ZMYM2: variants seen among roughly 807,000 people sequenced by gnomAD.
ZMYM2 encodes the protein zinc finger MYM-type protein 2.
In ZMYM2, 56 loss-of-function variants were observed where a neutral mutation model predicts 162.8. That is an observed-to-expected ratio of 0.34 (90% CI 0.28 to 0.43). ZMYM2 has a LOEUF of 0.43. Among genes scored for constraint, ZMYM2 ranks in the 20% least tolerant of loss-of-function variants. The pLI is 1.00. For synonymous variants in ZMYM2, 510 were observed against 541.6 expected (o/e 0.94, Z 0.81); for missense variants, 1,275 against 1,621.8 (o/e 0.79, Z 3.67).
chr13:20,020,450 C>T lies in ZMYM2; in HGVS notation c.1584+832C>T, dbSNP rs115979492. Among the ~76,000 whole-genome samples, 1,387 of 152,146 alleles carry T rather than the reference C, an allele frequency of 9.1e-3. 31 individuals carry two copies. Among genetic ancestry groups the T allele is most frequent in the African/African-American group, 0.032 (1,327 of 41,520 alleles). On this transcript the variant is annotated intron_variant, in intron 7 of 24. Transcript: ENST00000610343. ...AGGGTTTCTCCATGTCGGTCAGGCT[C>T]CTGACCTCAGGTGATCCACCTGCCT...
rs372104533 is a variant in ZMYM2 at position 20,027,341 on chromosome 13, C to A, written c.1851+23C>A. On this transcript the variant is annotated intron_variant, in intron 9 of 24. Coordinates refer to ENST00000610343, the MANE Select transcript of ZMYM2 (RefSeq NM_197968.4). ...CAGGTTTGTCGTTTATTTTGCATAA[C>A]CCATGCCCCCAATAAAATACACATA... The A allele has an allele frequency of 8.8e-6, 13 of 1,484,076 alleles. No homozygotes were observed. In the African/African-American group the frequency reaches 1.5e-4, roughly 18 times the overall value. 91.9% of individuals were successfully genotyped at this position (1,484,076 alleles called of 1,614,324 possible).
rs1361429087 is a variant in ZMYM2 at position 19,992,942 on chromosome 13, C to T, written c.-10-121C>T. Reference sequence around the variant, plus strand: ...ATCACATATTTTCCTGAATGTTAGACAAGAATCACTTCATTTAGAATAAAA... The same window carrying T: ...ATCACATATTTTCCTGAATGTTAGATAAGAATCACTTCATTTAGAATAAAA... On this transcript the variant is annotated intron_variant, in intron 2 of 24. Transcript: ENST00000610343. 3 of 1,120,060 alleles carry T rather than the reference C, an allele frequency of 2.7e-6. 1 individual carries two copies. The highest frequency in any genetic ancestry group is 5.5e-4 in the Middle Eastern group (2 of 3,610). The allele number at this position is 1,120,060 out of a possible 1,614,324, so 69.4% of individuals were successfully genotyped here. A position where few individuals can be genotyped will look rare whatever the true frequency, so the allele number is the denominator to read the frequency against.
chr13:20,005,034 T>C (rs1232039356), intron 4 of ZMYM2, 40 bp from the exon 5 acceptor site: 1 of 1,539,184 alleles, frequency 6.5e-7, no homozygotes, highest in Non-Finnish European at 8.8e-7. Flanking sequence ...ATTTGATTTC[T>C]TTTAAAATGG....
At chr13:19,912,151 T>C in the ZMYM2 span, among the ~76,000 whole-genome samples, 101,990 of 151,756 alleles carry the variant, frequency 0.67, 36,474 homozygotes, top group East Asian at 0.8. Flanking sequence ...AATGCTTTCT[T>C]CTCCACACTG....
At chr13:19,928,663 G>A in the ZMYM2 span, among the ~76,000 whole-genome samples, 20 of 152,198 alleles carry the variant, frequency 1.3e-4, no homozygotes, top group South Asian at 4.1e-3. Context: ...TGGGCATGGT[G>A]GCACATGCCT....
In ZMYM2 at chr13:19,993,231, A is replaced by G. The variant is rs138911078; in HGVS notation, c.159A>G (p.Ser53=). ...VSRSNKFQNS[S]VEDDDDVVFI... Reference sequence around the variant, plus strand: ...GATCTAATAAGTTTCAGAACTCGTCAGTGGAAGATGATGATGATGTTGTTT... The same window carrying G: ...GATCTAATAAGTTTCAGAACTCGTCGGTGGAAGATGATGATGATGTTGTTT... Residue 53 remains serine (S), a synonymous_variant, in exon 3 of 25, where the codon TCA becomes TCG. Coordinates refer to ENST00000610343, the MANE Select transcript of ZMYM2 (RefSeq NM_197968.4). 82 of 1,614,004 alleles carry G rather than the reference A, an allele frequency of 5.1e-5. 1 individual carries two copies. The East Asian group carries it at 8.9e-4, about 18-fold the overall frequency.
At chr13:19,938,708 G>T in the ZMYM2 span, among the ~76,000 whole-genome samples, 3 of 151,588 alleles carry the variant, frequency 2.0e-5, no homozygotes, top group East Asian at 5.8e-4. Flanking sequence ...GAAGCAGAGA[G>T]ATCCCAAAAT....
intron 15 of ZMYM2, 131 bp downstream of exon 15, chr13:20,058,835 T>C: frequency 8.0e-7 from 1 of 1,252,798 alleles, no homozygotes; most frequent in East Asian, 2.3e-5. Flanking sequence ...TTGATTTTGC[T>C]TACGTAATTT....
At chr13:20,054,262 AC>A (rs1321269617) in intron 14 of ZMYM2, among the ~76,000 whole-genome samples, 2 of 152,240 alleles carry the variant, frequency 1.3e-5, no homozygotes, top group Non-Finnish European at 2.9e-5. Flanking sequence ...TGAATATAGT[AC>A]CTACCTCATG....
At chr13:19,896,201 T>C in the ZMYM2 span, among the ~76,000 whole-genome samples, 1 of 151,528 alleles carries the variant, frequency 6.6e-6, no homozygotes, top group Admixed American at 6.6e-5. Context: ...TGGAGTGCAG[T>C]GGCACGATCT....
the ZMYM2 span, among the ~76,000 whole-genome samples, chr13:19,932,327 C>A: frequency 6.6e-6 from 1 of 152,202 alleles, no homozygotes; most frequent in Non-Finnish European, 1.5e-5. Flanking sequence ...GTGAGAAGCC[C>A]ATGATCCGAT....
At chr13:19,908,048 G>T in the ZMYM2 span, among the ~76,000 whole-genome samples, 2 of 152,148 alleles carry the variant, frequency 1.3e-5, no homozygotes, top group African/African-American at 4.8e-5. Flanking sequence ...AGCACTATGT[G>T]AGGCCAAGGC....
chr13:20,061,297 T>C (rs2140780381), intron 17 of ZMYM2, 73 bp downstream of exon 17: 2 of 1,486,200 alleles, frequency 1.3e-6, no homozygotes, highest in Non-Finnish European at 1.8e-6. Flanking sequence ...TACAGTACTT[T>C]CCAGGGCATA....
At chr13:19,925,308 C>G in the ZMYM2 span, among the ~76,000 whole-genome samples, 1 of 152,132 alleles carries the variant, frequency 6.6e-6, no homozygotes, top group African/African-American at 2.4e-5. Flanking sequence ...TCTTTTATAG[C>G]TTAGCTGCTA....
the ZMYM2 span, among the ~76,000 whole-genome samples, chr13:19,947,663 T>TGGCTAGGCTAGGCTAGGCTAGGCTA: frequency 1.3e-5 from 2 of 148,576 alleles, no homozygotes; most frequent in South Asian, 2.2e-4. Context: ...TTCACCATGT[T>TGGCTAGGCTAGGCTAGGCTAGGCTA]GGCTAGGCTA....
chr13:20,068,519 G>GT (rs1457462828), intron 21 of ZMYM2, among the ~76,000 whole-genome samples: 4 of 152,088 alleles, frequency 2.6e-5, no homozygotes, highest in African/African-American at 9.7e-5. Context: ...TACATGCCCT[G>GT]TTTCCCCTGT....
the ZMYM2 span, among the ~76,000 whole-genome samples, chr13:19,926,212 C>T: frequency 6.6e-5 from 10 of 151,814 alleles, no homozygotes; most frequent in African/African-American, 1.2e-4. Flanking sequence ...CCACCCACCT[C>T]GGCCTCCCAA....
upstream of ZMYM2, chr13:19,958,653 T>C (rs138607326): frequency 2.2e-3 from 338 of 152,462 alleles, 1 homozygote; most frequent in Middle Eastern, 6.8e-3. Flanking sequence ...CCGGCCAGCC[T>C]TCCCCGTCAG....
At chr13:19,873,430 G>T in the ZMYM2 span, among the ~76,000 whole-genome samples, 1 of 97,166 alleles carries the variant, frequency 1.0e-5, no homozygotes, top group African/African-American at 3.5e-5. Flanking sequence ...ATTTATTGAG[G>T]CAGAGTCTTG....
Sources: gnomAD v4.1 joint callset for allele counts (sites outside exome capture counted in the v4.1 genomes callset) on GRCh38, gnomAD v4.1.1 for gene constraint, MANE v1.5 for transcripts, NCBI Gene and HGNC (gene_info 2026-07-23, HGNC 2026-07-21) for gene names.